ERC1: variants seen among roughly 807,000 people sequenced by gnomAD.
ERC1 encodes the protein ELKS/RAB6-interacting/CAST family member 1, also known as RAB6 interacting protein 2.
In ERC1, 56 loss-of-function variants were observed where a neutral mutation model predicts 132.0. The observed-to-expected ratio is 0.42, with a 90% CI of 0.34 to 0.53. The LOEUF (loss-of-function observed/expected upper bound fraction) is 0.53. Among genes scored for constraint, ERC1 ranks in the 20% least tolerant of loss-of-function variants. The pLI is 0.03. For synonymous variants in ERC1, 478 were observed against 476.1 expected, an observed-to-expected ratio of 1.00 and a Z score of -0.05; for missense variants, 1,202 against 1,349.9, an observed-to-expected ratio of 0.89 and a Z score of 1.72.
At chr12:1,480,425 A>G (rs2094065631) in intron 18 of ERC1, among the ~76,000 whole-genome samples, 1 of 152,218 alleles carries the variant, frequency 6.6e-6, no homozygotes, top group South Asian at 2.1e-4. Flanking sequence ...CTAAGAAAGT[A>G]ACCAAGAAGC....
Position 1,115,922 on chromosome 12 carries a change from G to A in ERC1, c.1458G>A (p.Gln486=), listed in dbSNP as rs549447178. Residue 486 remains glutamine (Q), a synonymous_variant, in exon 7 of 19, where the codon CAG becomes CAA. Transcript: ENST00000360905. The stretch of plus-strand genomic sequence containing the variant: ...AGGACACAGAACTACTCGCCCTGCA[G>A]ACAAAGCTAGAAACACTCACAAACC... ...SRKDTELLAL[Q]TKLETLTNQF... is the part of the protein sequence containing the mutation. 6.2e-7 allele frequency: 1 copy of A among 1,614,144 alleles called. No individual in the cohort carries two copies. Among genetic ancestry groups the A allele is most frequent in the South Asian group, 1.1e-5 (1 of 91,086 alleles).
chr12:1,400,163 T>C (rs2090901215), intron 16 of ERC1, among the ~76,000 whole-genome samples: 1 of 152,246 alleles, frequency 6.6e-6, no homozygotes, highest in Non-Finnish European at 1.5e-5. Flanking sequence ...ACTGTGGCTT[T>C]GATACGCATT....
chr12:1,009,627 T>C (rs1408693288), intron 1 of ERC1, among the ~76,000 whole-genome samples: 1 of 152,194 alleles, frequency 6.6e-6, no homozygotes, highest in Admixed American at 6.5e-5. Context: ...TCTTTACTTT[T>C]AAGTTGCCAT....
At chr12:1,417,050 C>T (rs1591901862) in intron 17 of ERC1, among the ~76,000 whole-genome samples, 1 of 152,162 alleles carries the variant, frequency 6.6e-6, no homozygotes, top group Non-Finnish European at 1.5e-5. Context: ...ACTATTCTTG[C>T]ACAACCTGAA....
intron 8 of ERC1, among the ~76,000 whole-genome samples, chr12:1,156,363 C>G (rs568381912): frequency 3.9e-5 from 6 of 152,144 alleles, no homozygotes; most frequent in Admixed American, 3.9e-4. Flanking sequence ...GCCTCAGCCC[C>G]CTGAGTAGCT....
At position 1,371,955 on chromosome 12, in the gene ERC1, T is replaced by C. The variant is rs1243475888; in HGVS notation, c.2903T>C (p.Leu968Pro). ...VAALKREKDRLVQQLKQQTQN... is the reference protein window; with the variant it reads ...VAALKREKDRPVQQLKQQTQN... ...GCCCTGAAGCGGGAGAAGGATCGTC[T>C]GGTACAGCAGCTTAAGCAGCAGGTA... Residue 968 changes from leucine to proline, a missense_variant, in exon 16 of 19, where the codon CTG (leucine) becomes CCG (proline). Physicochemically the swap from Leu to Pro is moderately conservative, Grantham distance 98. Coordinates refer to ENST00000360905, the MANE Select transcript of ERC1 (RefSeq NM_178040.4). 6.2e-7 allele frequency: 1 copy of C among 1,614,002 alleles called. No individual in the cohort carries two copies.
chr12:1,467,691 A>G (rs1236314160), intron 18 of ERC1, among the ~76,000 whole-genome samples: 1 of 152,188 alleles, frequency 6.6e-6, no homozygotes. Context: ...TTCCATTGTA[A>G]TATATAATGA....
intron 8 of ERC1, among the ~76,000 whole-genome samples, chr12:1,159,449 T>C (rs1951691919): frequency 6.6e-6 from 1 of 152,122 alleles, no homozygotes; most frequent in South Asian, 2.1e-4. Context: ...ACCGCTTACT[T>C]CCTGCTGTGC....
intron 1 of ERC1, among the ~76,000 whole-genome samples, chr12:1,017,085 A>G (rs749717414): frequency 3.3e-5 from 5 of 150,858 alleles, no homozygotes; most frequent in Non-Finnish European, 7.4e-5. Flanking sequence ...CAGCCTCCAC[A>G]TCCTGGGTTC....
chr12:1,151,374 A>G (rs1188555534), intron 8 of ERC1, among the ~76,000 whole-genome samples: 2 of 152,224 alleles, frequency 1.3e-5, no homozygotes, highest in Non-Finnish European at 2.9e-5. Flanking sequence ...CCTGGCTTCC[A>G]GATCTCTCTC....
chr12:1,483,900 G>C (rs1304510006), intron 18 of ERC1, among the ~76,000 whole-genome samples: 22 of 151,518 alleles, frequency 1.5e-4, no homozygotes, highest in Non-Finnish European at 2.4e-4. Context: ...CACCATTTTG[G>C]CCAGGCTGGC....
chr12:1,255,152 G>A (rs1285349506), intron 13 of ERC1, among the ~76,000 whole-genome samples: 1 of 151,192 alleles, frequency 6.6e-6, no homozygotes, highest in Non-Finnish European at 1.5e-5. Context: ...GTGTCCATGT[G>A]TTCTGATTGT....
At chr12:1,397,676 C>CA (rs1170886090) in intron 16 of ERC1, among the ~76,000 whole-genome samples, 2 of 151,920 alleles carry the variant, frequency 1.3e-5, no homozygotes, top group Non-Finnish European at 2.9e-5. Flanking sequence ...AAAATTTACC[C>CA]AAAAAAGTTA....
intron 6 of ERC1, among the ~76,000 whole-genome samples, chr12:1,114,686 C>T (rs1565995679): frequency 6.6e-6 from 1 of 151,966 alleles, no homozygotes; most frequent in Non-Finnish European, 1.5e-5. Context: ...TACTATTTTG[C>T]AGGATGAATA....
intron 12 of ERC1, among the ~76,000 whole-genome samples, chr12:1,236,341 ATTGAATGT>A (rs1000608365): frequency 6.6e-6 from 1 of 152,180 alleles, no homozygotes; most frequent in African/African-American, 2.4e-5. Flanking sequence ...TATACAGTGT[ATTGAATGT>A]TTGAAATATT....
intron 18 of ERC1, among the ~76,000 whole-genome samples, chr12:1,473,369 A>G (rs1362579255): frequency 6.6e-6 from 1 of 152,134 alleles, no homozygotes; most frequent in Non-Finnish European, 1.5e-5. Context: ...AAAGTTAGTT[A>G]TGGGAGAGCA....
At chr12:1,152,246 T>C (rs2906113) in intron 8 of ERC1, 44,532 of 150,110 alleles carry the variant, frequency 0.3, 7,246 homozygotes, top group African/African-American at 0.42. Flanking sequence ...GATGTCTTAA[T>C]ATGGTGGTAT....
At chr12:1,346,238 G>C (rs2084439750) in intron 15 of ERC1, among the ~76,000 whole-genome samples, 1 of 152,158 alleles carries the variant, frequency 6.6e-6, no homozygotes, top group Non-Finnish European at 1.5e-5. Flanking sequence ...AGAAGGTTCA[G>C]ATCGTCTGTG....
At position 1,090,860 on chromosome 12, in the gene ERC1, GTTGTTGTTA is replaced by G. The variant is rs1184689842; in HGVS notation, c.1086+7283_1086+7291del. 8.1e-5 allele frequency among the ~76,000 whole-genome samples: 5 copies of G among 61,986 alleles called. 2 individuals are homozygous for G. Among genetic ancestry groups the G allele is most frequent in the African/African-American group, 2.9e-4 (5 of 17,308 alleles). The allele number at this position is 61,986 out of a possible 152,430, so 40.7% of individuals were successfully genotyped here. A position where few individuals can be genotyped will look rare whatever the true frequency, so the allele number is the denominator to read the frequency against. On this transcript the variant is annotated intron_variant, in intron 3 of 18. Transcript: ENST00000360905. ...TATTATTATTATTGTTGTTGTTGTTGTTGTTGTTATTATTATTATTATTATTATTATTAT... is the reference window on the plus strand; with the variant it reads ...TATTATTATTATTGTTGTTGTTGTTGTTATTATTATTATTATTATTATTAT...
Sources: allele counts gnomAD v4.1 joint callset (sites outside exome capture counted in the v4.1 genomes callset), GRCh38; gene constraint gnomAD v4.1.1; transcripts MANE v1.5; gene names NCBI Gene and HGNC (gene_info 2026-07-23, HGNC 2026-07-21).